TEX14: variants seen among roughly 807,000 people sequenced by gnomAD.
TEX14 encodes the protein inactive serine/threonine-protein kinase TEX14.
TEX14 carries 168 observed loss-of-function variants against 178.6 expected under a neutral mutation model. The ratio of observed to expected loss-of-function variants is 0.94; its 90% CI spans 0.83 to 1.07. TEX14 has a LOEUF of 1.07. Among genes scored for constraint, TEX14 ranks in the 50% least tolerant of loss-of-function variants. TEX14 has a pLI of 0.00. For synonymous variants in TEX14, 626 were observed against 634.1 expected (o/e 0.99, Z 0.19); for missense variants, 1,730 against 1,753.6 (o/e 0.99, Z 0.24).
chr17:58,589,113 A>C (rs1292122806), intron 15 of TEX14, among the ~76,000 whole-genome samples: 2 of 151,980 alleles, frequency 1.3e-5, no homozygotes, highest in Non-Finnish European at 2.9e-5. Context: ...AAAACAAAAA[A>C]TTAGCTGGGC....
chr17:58,581,305 T>A (rs1043291751), intron 19 of TEX14, among the ~76,000 whole-genome samples: 1 of 150,272 alleles, frequency 6.7e-6, no homozygotes, highest in African/African-American at 2.5e-5. Flanking sequence ...AGCGAGACTC[T>A]ATCTCAAAAA....
intron 31 of TEX14, 66 bp from the exon 32 acceptor site, chr17:58,557,113 C>T: frequency 8.1e-7 from 1 of 1,232,004 alleles, no homozygotes; most frequent in Non-Finnish European, 1.2e-6. Context: ...TTTTTAAAGA[C>T]ACAAACCACA....
chr17:58,570,287 C>A, intron 25 of TEX14, 98 bp downstream of exon 25: 1 of 699,364 alleles, frequency 1.4e-6, no homozygotes, highest in Non-Finnish European at 2.2e-6. Context: ...GGGAAAACAG[C>A]ATTTCTGTCT....
At chr17:58,642,659 T>G (rs568014550) in intron 2 of TEX14, among the ~76,000 whole-genome samples, 3 of 151,978 alleles carry the variant, frequency 2.0e-5, no homozygotes, top group Non-Finnish European at 4.4e-5. Context: ...TCCCACCTAG[T>G]ATATTTTGAA....
chr17:58,572,198 GT>G, intron 23 of TEX14, 72 bp from the exon 24 acceptor site: 1 of 1,194,430 alleles, frequency 8.4e-7, no homozygotes, highest in Non-Finnish European at 1.2e-6. Flanking sequence ...TTTTCCCTTT[GT>G]TTTTGTTTTT....
chr17:58,600,016 A>G (rs897734981), intron 13 of TEX14, among the ~76,000 whole-genome samples: 1 of 152,112 alleles, frequency 6.6e-6, no homozygotes, highest in Non-Finnish European at 1.5e-5. Flanking sequence ...TTTGTTTTAT[A>G]GAGATGGGGT....
chr17:58,560,395 C>T (rs2044249936), intron 29 of TEX14, among the ~76,000 whole-genome samples: 3 of 152,292 alleles, frequency 2.0e-5, no homozygotes, highest in East Asian at 1.9e-4. Flanking sequence ...ATTCCGCCCC[C>T]GTTCAAATGC....
At chr17:58,583,090 C>A (rs1030824923) in intron 19 of TEX14, among the ~76,000 whole-genome samples, 1 of 151,730 alleles carries the variant, frequency 6.6e-6, no homozygotes, top group Non-Finnish European at 1.5e-5. Flanking sequence ...CCTGCCTCAG[C>A]CTCCCGAATA....
At chr17:58,558,379 A>T (rs2044196836) in intron 30 of TEX14, among the ~76,000 whole-genome samples, 1 of 152,326 alleles carries the variant, frequency 6.6e-6, no homozygotes, top group African/African-American at 2.4e-5. Flanking sequence ...GGAAGAATGG[A>T]CTGCCTACAG....
At chr17:58,576,155 T>G (rs1382069737) in intron 21 of TEX14, among the ~76,000 whole-genome samples, 1 of 152,244 alleles carries the variant, frequency 6.6e-6, no homozygotes, top group Non-Finnish European at 1.5e-5. Flanking sequence ...AAACTTTTCT[T>G]TTGAGATAAT....
At chr17:58,668,639 A>G (rs772997911) in intron 1 of TEX14, among the ~76,000 whole-genome samples, 5 of 152,230 alleles carry the variant, frequency 3.3e-5, no homozygotes, top group Non-Finnish European at 7.3e-5. Context: ...AATGTGCCCA[A>G]GTGGTAGAGA....
At chr17:58,663,891 A>G (rs1021869914) in intron 1 of TEX14, among the ~76,000 whole-genome samples, 1 of 152,128 alleles carries the variant, frequency 6.6e-6, no homozygotes, top group African/African-American at 2.4e-5. Context: ...TACTAACTCT[A>G]TTTAGGCCAG....
At chr17:58,605,976 C>T (rs964054426) in intron 10 of TEX14, among the ~76,000 whole-genome samples, 5 of 152,164 alleles carry the variant, frequency 3.3e-5, no homozygotes, top group African/African-American at 4.8e-5. Context: ...AATAAATGAA[C>T]GTAAACTCTT....
intron 19 of TEX14, among the ~76,000 whole-genome samples, chr17:58,582,396 A>G (rs1029558411): frequency 1.3e-5 from 2 of 151,840 alleles, no homozygotes; most frequent in Non-Finnish European, 2.9e-5. Context: ...AGTAGCTGGG[A>G]CTATAGGCAT....
At chr17:58,594,267 A>G (rs1237409415) in intron 14 of TEX14, among the ~76,000 whole-genome samples, 1 of 152,074 alleles carries the variant, frequency 6.6e-6, no homozygotes. Context: ...TCCTATATGA[A>G]TATGAAGACA....
At chr17:58,662,661 T>A (rs1041677811) in intron 1 of TEX14, among the ~76,000 whole-genome samples, 1 of 152,174 alleles carries the variant, frequency 6.6e-6, no homozygotes, top group Non-Finnish European at 1.5e-5. Flanking sequence ...CCCCTCAGTT[T>A]GTGAGTCTCA....
chr17:58,651,986 G>T lies in TEX14; in HGVS notation c.16C>A (p.Arg6Ser), dbSNP rs73996251. The T allele has an allele frequency of 3.9e-4, 614 of 1,592,536 alleles. 1 individual carries two copies. The African/African-American group carries it at 7.2e-3, about 19-fold the overall frequency. ...TGAACAGGACAGGGGACTGGAAGAC[G>T]AACAGCCCGAGACATCCTGTTCCAA... MSRAV[R>S]LPVPCPVQLG... is the part of the protein sequence containing the mutation. The change falls in exon 2 of 32, where the codon CGT becomes AGT. Residue 6 changes from arginine (R) to serine (S), a missense_variant. Arg to Ser is a moderately radical substitution (Grantham distance 110). Around this residue, in one of 2 missense-constraint regions of TEX14, gnomAD observed 789 missense variants for 681.2 expected, o/e 1.16. Coordinates refer to ENST00000349033, the MANE Select transcript of TEX14 (RefSeq NM_031272.5).
intron 1 of TEX14, among the ~76,000 whole-genome samples, chr17:58,655,556 G>C (rs955797093): frequency 6.6e-6 from 1 of 151,952 alleles, no homozygotes; most frequent in Admixed American, 6.6e-5. Context: ...CTGACCTCAG[G>C]TGATCCGCCT....
chr17:58,629,522 T>C (rs2046230749), intron 3 of TEX14, among the ~76,000 whole-genome samples: 1 of 150,042 alleles, frequency 6.7e-6, no homozygotes, highest in Non-Finnish European at 1.5e-5. Flanking sequence ...CTGTTTCATA[T>C]TAAAATTTAG....
Sources: allele counts gnomAD v4.1 joint callset (sites outside exome capture counted in the v4.1 genomes callset), GRCh38; gene constraint gnomAD v4.1.1; regional missense constraint gnomAD v4.1.1; transcripts MANE v1.5; gene names NCBI Gene and HGNC (gene_info 2026-07-23, HGNC 2026-07-21).